Variants in TSC22D3 observed in about 807,000 individuals in gnomAD.
TSC22D3 encodes the protein TSC22 domain family protein 3.
Under a neutral mutation model 11.1 loss-of-function variants are expected in TSC22D3, and 4 were observed. That is an observed-to-expected ratio of 0.36 (90% CI 0.18 to 0.83). TSC22D3 has a LOEUF of 0.83. Among genes scored for constraint, TSC22D3 ranks in the 40% least tolerant of loss-of-function variants. The probability of loss-of-function intolerance (pLI) is 0.48; values close to 1 mark genes in which losing one functional copy is unlikely to be tolerated. For missense variants in TSC22D3, 118 were observed against 159.4 expected (o/e 0.74, Z 1.40); for synonymous variants, 77 against 70.3 (o/e 1.10, Z -0.48).
chrX:107,750,717 A>G (rs1028002842), intron 1 of TSC22D3, among the ~76,000 whole-genome samples: 3 of 111,317 alleles, frequency 2.7e-5, no homozygotes, highest in African/African-American at 9.8e-5. Flanking sequence ...GAAACTGATC[A>G]GATACCGCAG....
chrX:107,722,523 G>T (rs1369184832), intron 1 of TSC22D3, among the ~76,000 whole-genome samples: 1 of 112,293 alleles, frequency 8.9e-6, no homozygotes, highest in Non-Finnish European at 1.9e-5. Context: ...CTGGGGGGTG[G>T]TTTGTTCTGC....
chrX:107,748,460 C>T (rs777816407), intron 1 of TSC22D3, among the ~76,000 whole-genome samples: 1 of 111,738 alleles, frequency 8.9e-6, no homozygotes, highest in African/African-American at 3.3e-5. Flanking sequence ...AAGGAAAAAT[C>T]GCTGCCTCCT....
intron 1 of TSC22D3, among the ~76,000 whole-genome samples, chrX:107,740,571 A>G (rs1173978744): frequency 2.7e-5 from 3 of 109,513 alleles, no homozygotes; most frequent in Non-Finnish European, 5.7e-5. Context: ...ACAGAGCAAG[A>G]CTCAGTCTAA....
At chrX:107,738,139 G>A (rs1277578840) in intron 1 of TSC22D3, among the ~76,000 whole-genome samples, 1 of 112,343 alleles carries the variant, frequency 8.9e-6, no homozygotes, top group East Asian at 2.8e-4. Flanking sequence ...CTGCCTGTTG[G>A]CCTCCCAAGC....
chrX:107,745,859 G>A (rs1243187741), intron 1 of TSC22D3, among the ~76,000 whole-genome samples: 1 of 112,451 alleles, frequency 8.9e-6, no homozygotes, highest in Non-Finnish European at 1.9e-5. Flanking sequence ...TCACAAGTAT[G>A]TGTGAATTGC....
At chrX:107,737,544 G>A (rs1485598133) in intron 1 of TSC22D3, among the ~76,000 whole-genome samples, 5 of 110,731 alleles carry the variant, frequency 4.5e-5, no homozygotes, top group East Asian at 2.8e-4. Context: ...CCTTCCCTCC[G>A]TGCACAAAGA....
intron 1 of TSC22D3, among the ~76,000 whole-genome samples, chrX:107,766,139 C>G (rs937058321): frequency 3.6e-5 from 4 of 112,088 alleles, no homozygotes; most frequent in Non-Finnish European, 5.6e-5. Context: ...AGTTACAAAC[C>G]TTGAGCTAGT....
At chrX:107,742,198 G>A (rs930323426) in intron 1 of TSC22D3, among the ~76,000 whole-genome samples, 1 of 108,214 alleles carries the variant, frequency 9.2e-6, no homozygotes, top group Non-Finnish European at 1.9e-5. Flanking sequence ...ACAGAGCCAT[G>A]TTAAAGGGCT....
chrX:107,771,501 C>CT (rs1929904613), intron 1 of TSC22D3, among the ~76,000 whole-genome samples: 2 of 112,144 alleles, frequency 1.8e-5, no homozygotes, highest in African/African-American at 6.5e-5. Context: ...AGGGGAATTG[C>CT]TTGAACCCAG....
chrX:107,716,149 C>T, intron 1 of TSC22D3, 199 bp from the exon 2 acceptor site: 1 of 633,394 alleles, frequency 1.6e-6, no homozygotes, highest in Non-Finnish European at 2.3e-6. Flanking sequence ...TCATCCAGGC[C>T]GGCTCAGCGC....
intron 1 of TSC22D3, among the ~76,000 whole-genome samples, chrX:107,749,992 A>C (rs1928862759): frequency 8.9e-6 from 1 of 111,739 alleles, no homozygotes; most frequent in Non-Finnish European, 1.9e-5. Context: ...GCCTATTAAA[A>C]ATGTGGATCC....
chrX:107,769,287 C>A (rs753886112), intron 1 of TSC22D3, among the ~76,000 whole-genome samples: 2 of 112,481 alleles, frequency 1.8e-5, no homozygotes, highest in Non-Finnish European at 3.8e-5. Context: ...AGAGGTATAT[C>A]CATACAATGG....
intron 1 of TSC22D3, among the ~76,000 whole-genome samples, chrX:107,744,417 G>T (rs1928561582): frequency 9.0e-6 from 1 of 110,749 alleles, no homozygotes; most frequent in Non-Finnish European, 1.9e-5. Context: ...GGAGGCAGAG[G>T]TTGCAGTGAG....
rs770945393 is a variant in TSC22D3 at position 107,760,635 on chromosome X, A to T, written c.320+14465T>A. Among the ~76,000 whole-genome samples, 4 of 112,519 alleles carry T rather than the reference A, an allele frequency of 3.6e-5. No homozygotes were observed. The East Asian group carries it at 1.1e-3, about 32-fold the overall frequency. On this transcript the variant is annotated intron_variant, in intron 1 of 2. Transcript: ENST00000372383. The stretch of plus-strand genomic sequence containing the variant: ...CAAGGTGTGGTCACCAACCCTGAAA[A>T]GGGAGGGGCTCAGGAGCTTGAAGAG...
At chrX:107,735,304 T>C (rs1928080941) in intron 1 of TSC22D3, among the ~76,000 whole-genome samples, 1 of 112,197 alleles carries the variant, frequency 8.9e-6, no homozygotes, top group Admixed American at 9.4e-5. Context: ...GCCATAAAAT[T>C]GTCATGTGAC....
At chrX:107,717,649 G>T (rs4418473) in intron 1 of TSC22D3, among the ~76,000 whole-genome samples, 4,239 of 112,516 alleles carry the variant, frequency 0.038, 193 homozygotes, top group African/African-American at 0.13. Flanking sequence ...TCTGTGGACC[G>T]GCACATGTAC....
At chrX:107,767,824 A>T (rs1356203784) in intron 1 of TSC22D3, among the ~76,000 whole-genome samples, 1 of 111,822 alleles carries the variant, frequency 8.9e-6, no homozygotes, top group Non-Finnish European at 1.9e-5. Context: ...CCCTTGTCCC[A>T]TTATTGCAGA....
At chrX:107,724,523 G>A (rs1253909595) in intron 1 of TSC22D3, among the ~76,000 whole-genome samples, 4 of 113,340 alleles carry the variant, frequency 3.5e-5, no homozygotes, top group Non-Finnish European at 1.9e-5. Context: ...TGGGGCATCC[G>A]CCCCCCTTCC....
chrX:107,717,038 A>T, intron 1 of TSC22D3: 1 of 990,328 alleles, frequency 1.0e-6, no homozygotes, highest in Admixed American at 4.8e-5. Context: ...CACAAACTCC[A>T]CGGCCGCCAG....
Sources: gnomAD v4.1 joint callset for allele counts (sites outside exome capture counted in the v4.1 genomes callset) on GRCh38, gnomAD v4.1.1 for gene constraint, MANE v1.5 for transcripts, NCBI Gene and HGNC (gene_info 2026-07-23, HGNC 2026-07-21) for gene names.